ARHGAP39: variants seen among roughly 807,000 people sequenced by gnomAD.
ARHGAP39 encodes rho GTPase-activating protein 39.
In ARHGAP39, 44 loss-of-function variants were observed where a neutral mutation model predicts 106.9. That is an observed-to-expected ratio of 0.41 (90% CI 0.32 to 0.53). The LOEUF (loss-of-function observed/expected upper bound fraction) is 0.53, where lower values mean the gene tolerates loss of function less well. ARHGAP39 is among the 20% of genes least tolerant of loss of function. ARHGAP39 has a pLI of 0.21. For missense variants in ARHGAP39, 1,496 were observed against 1,577.3 expected, an observed-to-expected ratio of 0.95 and a Z score of 0.87; for synonymous variants, 768 against 693.2, an observed-to-expected ratio of 1.11 and a Z score of -1.69.
intron 6 of ARHGAP39, among the ~76,000 whole-genome samples, chr8:144,544,930 C>T (rs1038723276): frequency 3.3e-5 from 5 of 152,370 alleles, no homozygotes; most frequent in East Asian, 1.9e-4. Flanking sequence ...GCTCCGCCCT[C>T]GGCGTCTTCG....
At position 144,547,337 on chromosome 8, in the gene ARHGAP39, A is replaced by T; in HGVS notation, c.1749T>A (p.Ser583=). ...RSSWDSQQDG[S]GYESDGALPL... is the part of the protein sequence containing the mutation. ...GCAGGGCGCCGTCGCTCTCGTAGCC[A>T]GAGCCGTCCTGCTGGGAGTCCCAGC... is the stretch of plus-strand genomic sequence containing the variant. Residue 583 remains serine, a synonymous_variant, in exon 5 of 12, where the codon TCT becomes TCA. Coordinates refer to ENST00000377307, the MANE Select transcript of ARHGAP39 (RefSeq NM_025251.3). The surrounding 1 kb of genome is among the most constrained non-coding windows in gnomAD (Gnocchi z 5.2). 3 of 1,607,398 alleles carry T rather than the reference A, an allele frequency of 1.9e-6. No homozygotes were observed. Among genetic ancestry groups the T allele is most frequent in the Non-Finnish European group, 2.5e-6 (3 of 1,178,684 alleles).
intron 6 of ARHGAP39, among the ~76,000 whole-genome samples, chr8:144,542,576 T>C (rs914444905): frequency 6.6e-6 from 1 of 152,192 alleles, no homozygotes; most frequent in Non-Finnish European, 1.5e-5. Context: ...CTGTCTTTCT[T>C]TCCTTTCTCT....
rs1234611570 is a variant in ARHGAP39 at position 144,646,472 on chromosome 8, G to A, written c.-82+39214C>T. Among the ~76,000 whole-genome samples the A allele has an allele frequency of 6.6e-6, 1 of 152,276 alleles. No individual in the cohort carries two copies. Among genetic ancestry groups the A allele is most frequent in the East Asian group, 1.9e-4 (1 of 5,190 alleles). On this transcript the variant is annotated intron_variant, in intron 1 of 11. Transcript: ENST00000377307. This position sits in a 1 kb window ranked among gnomAD's most constrained non-coding sequence, Gnocchi z 5.7. ...ATTTTAAAAAATCACCAAAAAAAGTGTGGAGAAAATAGAAAGAAATGAGGA... is the reference window on the plus strand; with the variant it reads ...ATTTTAAAAAATCACCAAAAAAAGTATGGAGAAAATAGAAAGAAATGAGGA...
chr8:144,607,133 G>A (rs1436095949), intron 1 of ARHGAP39, among the ~76,000 whole-genome samples: 4 of 151,470 alleles, frequency 2.6e-5, no homozygotes, highest in African/African-American at 4.9e-5. Context: ...GAAATCAGCC[G>A]AGTGTGGTGG....
chr8:144,650,154 GA>G (rs1024353766), intron 1 of ARHGAP39, among the ~76,000 whole-genome samples: 17 of 147,938 alleles, frequency 1.1e-4, no homozygotes, highest in East Asian at 3.9e-4. Flanking sequence ...GAAAAAAAAA[GA>G]AAAAAAAAAT....
At position 144,670,484 on chromosome 8, in the gene ARHGAP39, C is replaced by T. The variant is rs145207263; in HGVS notation, c.-82+15202G>A. 7.2e-5 allele frequency among the ~76,000 whole-genome samples: 11 copies of T among 152,300 alleles called. No individual in the cohort carries two copies. Among genetic ancestry groups the T allele is most frequent in the African/African-American group, 2.2e-4 (9 of 41,564 alleles). On this transcript the variant is annotated intron_variant, in intron 1 of 11. Coordinates refer to ENST00000377307, the MANE Select transcript of ARHGAP39 (RefSeq NM_025251.3). The surrounding 1 kb of genome is among the most constrained non-coding windows in gnomAD (Gnocchi z 4.4). ...AACCATTTCTGTATTTCCTGTCAGTCTCCTTGATGTGCTCCGGACATAAAA... is the reference window on the plus strand; with the variant it reads ...AACCATTTCTGTATTTCCTGTCAGTTTCCTTGATGTGCTCCGGACATAAAA...
At chr8:144,605,993 C>G (rs115172822) in intron 1 of ARHGAP39, among the ~76,000 whole-genome samples, 3,299 of 152,326 alleles carry the variant, frequency 0.022, 111 homozygotes, top group African/African-American at 0.076. Context: ...CAGGCACAAG[C>G]CAAGCATGGG....
At chr8:144,682,368 T>A (rs555255935) in intron 1 of ARHGAP39, among the ~76,000 whole-genome samples, 2 of 150,592 alleles carry the variant, frequency 1.3e-5, no homozygotes, top group East Asian at 3.9e-4. Context: ...GCTAACATGG[T>A]GAAACCCTGT....
chr8:144,564,622 C>T (rs116220556), intron 3 of ARHGAP39, among the ~76,000 whole-genome samples: 1,542 of 152,116 alleles, frequency 0.01, 30 homozygotes, highest in African/African-American at 0.035. Context: ...TAAGTAGAGA[C>T]GTAGAATATA....
At position 144,591,858 on chromosome 8, in the gene ARHGAP39, G is replaced by A. The variant is rs568341063; in HGVS notation, c.81-10581C>T. Among the ~76,000 whole-genome samples, 296 of 152,290 alleles carry A rather than the reference G, an allele frequency of 1.9e-3. 2 individuals carry two copies. The highest frequency in any genetic ancestry group is 8.7e-3 in the South Asian group (42 of 4,832). ...GCCAGGGCGGCTTCCCCTGGATGGC[G>A]GCGTCGCCTCGTCGCCTCGTGCCTG... is the stretch of plus-strand genomic sequence containing the variant. On this transcript the variant is annotated intron_variant, in intron 2 of 11. Coordinates refer to ENST00000377307, the MANE Select transcript of ARHGAP39 (RefSeq NM_025251.3). The surrounding 1 kb of genome is among the most constrained non-coding windows in gnomAD (Gnocchi z 5.3).
chr8:144,697,936 ATTTG>A, the ARHGAP39 span, among the ~76,000 whole-genome samples: 2 of 152,026 alleles, frequency 1.3e-5, no homozygotes, highest in African/African-American at 4.8e-5. Context: ...CTTATTTATA[ATTTG>A]TTTTTCAATA....
intron 3 of ARHGAP39, among the ~76,000 whole-genome samples, chr8:144,578,196 C>T (rs1818842960): frequency 6.6e-6 from 1 of 152,094 alleles, no homozygotes; most frequent in Admixed American, 6.5e-5. Context: ...AATTGAGAGG[C>T]CAGAAATGAA....
At position 144,548,442 on chromosome 8, in the gene ARHGAP39, A is replaced by G; in HGVS notation, c.644T>C (p.Ile215Thr). 1 of 1,610,848 alleles carries G rather than the reference A, an allele frequency of 6.2e-7. No homozygotes were observed. Residue 215 changes from isoleucine (I) to threonine (T), a missense_variant, in exon 5 of 12, where the codon ATC becomes ACC. Around this residue, in one of 4 missense-constraint regions of ARHGAP39, gnomAD observed 905 missense variants for 816.4 expected, o/e 1.11. Coordinates refer to ENST00000377307, the MANE Select transcript of ARHGAP39 (RefSeq NM_025251.3). This position sits in a 1 kb window ranked among gnomAD's most constrained non-coding sequence, Gnocchi z 7.4. ...GCTGGGCTCCCGATCAGCGACCTTGATGAGCATGCGCTCTTTGGCGCCCGA... is the reference window on the plus strand; with the variant it reads ...GCTGGGCTCCCGATCAGCGACCTTGGTGAGCATGCGCTCTTTGGCGCCCGA... ...WNSGAKERML[I>T]KVADREPSFL...
chr8:144,539,092 G>A (rs779289051), intron 6 of ARHGAP39, among the ~76,000 whole-genome samples: 2 of 152,052 alleles, frequency 1.3e-5, no homozygotes, highest in African/African-American at 2.4e-5. Context: ...ACTCTGGATC[G>A]TTTTAATGGA....
chr8:144,537,961 C>G, intron 6 of ARHGAP39, 148 bp from the exon 7 acceptor site: 4 of 687,794 alleles, frequency 5.8e-6, no homozygotes, highest in Non-Finnish European at 9.9e-6. Flanking sequence ...TCTGGGGGGA[C>G]GTGGCTGTGT....
chr8:144,589,310 T>C (rs542971962), intron 2 of ARHGAP39, among the ~76,000 whole-genome samples: 1 of 152,332 alleles, frequency 6.6e-6, no homozygotes, highest in Non-Finnish European at 1.5e-5. Context: ...ACAGTCGGCC[T>C]CATTTCGGAG....
At chr8:144,576,274 A>C (rs1470684089) in intron 3 of ARHGAP39, among the ~76,000 whole-genome samples, 2 of 142,286 alleles carry the variant, frequency 1.4e-5, no homozygotes, top group African/African-American at 5.2e-5. Flanking sequence ...CGGAGGTTGC[A>C]GTGAGCCGAG....
chr8:144,682,630 C>T (rs938369127), intron 1 of ARHGAP39, among the ~76,000 whole-genome samples: 8 of 151,996 alleles, frequency 5.3e-5, no homozygotes, highest in Non-Finnish European at 1.0e-4. Flanking sequence ...ATTCCACCTT[C>T]TCACTTTCTG....
intron 2 of ARHGAP39, among the ~76,000 whole-genome samples, chr8:144,594,461 G>A (rs993950801): frequency 7.2e-5 from 11 of 152,160 alleles, no homozygotes; most frequent in African/African-American, 2.2e-4. Flanking sequence ...TTGGGAGGCC[G>A]AGGTGGGCAG....
Sources: allele counts gnomAD v4.1 joint callset (sites outside exome capture counted in the v4.1 genomes callset), GRCh38; gene constraint gnomAD v4.1.1; regional missense constraint gnomAD v4.1.1; non-coding constraint Gnocchi (gnomAD v3.1); transcripts MANE v1.5; gene names NCBI Gene and HGNC (gene_info 2026-07-23, HGNC 2026-07-21).